MCM3AP: variants seen among roughly 807,000 people sequenced by gnomAD.
MCM3AP encodes the protein germinal-center associated nuclear protein.
Under a neutral mutation model 184.1 loss-of-function variants are expected in MCM3AP, and 126 were observed. The observed-to-expected ratio is 0.68, with a 90% CI of 0.59 to 0.79. The LOEUF is 0.79. MCM3AP is among the 30% of genes least tolerant of loss of function. The pLI, the probability that MCM3AP is intolerant of heterozygous loss-of-function variation, is 0.00. For synonymous variants in MCM3AP, 1,002 were observed against 979.3 expected, an observed-to-expected ratio of 1.02 and a Z score of -0.43; for missense variants, 2,496 against 2,479.2, an observed-to-expected ratio of 1.01 and a Z score of -0.14.
intron 20 of MCM3AP, chr21:46,249,559 A>C (rs1224642439): frequency 4.5e-6 from 2 of 447,580 alleles, no homozygotes; most frequent in Non-Finnish European, 8.9e-6. Flanking sequence ...GAATGAAATA[A>C]ATGCATTTTC....
intron 11 of MCM3AP, 71 bp downstream of exon 11, chr21:46,265,854 C>A: frequency 1.3e-6 from 2 of 1,491,998 alleles, no homozygotes; most frequent in African/African-American, 1.4e-5. Context: ...ATGCAGATGC[C>A]CAGGCTCCTG....
chr21:46,253,640 G>A (rs567341168), intron 19 of MCM3AP: 3 of 149,154 alleles, frequency 2.0e-5, no homozygotes, highest in East Asian at 2.0e-4. Context: ...CTTCGCTGTT[G>A]TCATGATAGT....
chr21:46,263,911 C>T (rs546765110), intron 13 of MCM3AP, among the ~76,000 whole-genome samples: 3 of 150,870 alleles, frequency 2.0e-5, no homozygotes, highest in African/African-American at 4.9e-5. Flanking sequence ...TCCTAAAATT[C>T]GCATGGTATC....
At chr21:46,237,393 GTGCT>G (rs953981417) in intron 26 of MCM3AP, among the ~76,000 whole-genome samples, 13 of 151,264 alleles carry the variant, frequency 8.6e-5, no homozygotes, top group Non-Finnish European at 1.8e-4. Flanking sequence ...GTGAGCCACT[GTGCT>G]TGGCCAATTT....
intron 18 of MCM3AP, 52 bp from the exon 19 acceptor site, chr21:46,254,578 A>C (rs1355912674): frequency 6.2e-7 from 1 of 1,603,550 alleles, no homozygotes; most frequent in East Asian, 2.2e-5. Context: ...CCCTTGCAGG[A>C]GCAGCACACA....
In MCM3AP at chr21:46,284,339, G is replaced by T; in HGVS notation, c.948C>A (p.Ser316=). 1.2e-6 allele frequency: 2 copies of T among 1,614,152 alleles called. No homozygotes were observed. The highest frequency in any genetic ancestry group is 1.7e-6 in the Non-Finnish European group (2 of 1,180,030). ...GTTTGTCTGGAGGATGATCGCCCCG[G>T]GACAGAGGATCCGAATCTTCTGCTG... ...HEPAEDSDPL[S]RGDHPPDKRP... The change falls in exon 1 of 28, where the codon TCC becomes TCA. Residue 316 remains serine, a synonymous_variant. Transcript: ENST00000291688.
intron 17 of MCM3AP, among the ~76,000 whole-genome samples, chr21:46,255,944 C>T (rs973049798): frequency 6.6e-6 from 1 of 152,182 alleles, no homozygotes; most frequent in African/African-American, 2.4e-5. Context: ...TCACAGCATG[C>T]CTCCAACAGG....
chr21:46,254,345 G>T, intron 19 of MCM3AP, 47 bp downstream of exon 19: 3 of 1,610,622 alleles, frequency 1.9e-6, no homozygotes, highest in Non-Finnish European at 2.5e-6. Context: ...ACCCTGCCCT[G>T]CCCACTCCAC....
At chr21:46,272,998 T>G (rs2081201232) in intron 7 of MCM3AP, among the ~76,000 whole-genome samples, 169 bp from the exon 8 acceptor site, 1 of 125,694 alleles carries the variant, frequency 8.0e-6, no homozygotes, top group Non-Finnish European at 1.7e-5. Context: ...CTGGGGTTTG[T>G]TTTTTTTTTT....
Position 46,240,956 on chromosome 21 carries a change from G to A in MCM3AP, c.5488C>T (p.His1830Tyr). Reference protein sequence around the residue: ...NNFPIPLLHMHRNWKRSTECA... With the variant: ...NNFPIPLLHMYRNWKRSTECA... ...TCTGTGCTCCTCTTCCAGTTACGGT[G>A]CATGTGAAGCAATGGTATGGGAAAA... The change falls in exon 26 of 28, where the codon CAC becomes TAC. Residue 1830 changes from histidine to tyrosine, a missense_variant. This residue lies in a region of MCM3AP where 1,323 missense variants were observed against 1,273.4 expected (regional missense o/e 1.04). Transcript: ENST00000291688. The A allele has an allele frequency of 6.2e-7, 1 of 1,614,186 alleles. No individual in the cohort carries two copies. Among genetic ancestry groups the A allele is most frequent in the South Asian group, 1.1e-5 (1 of 91,088 alleles).
intron 24 of MCM3AP, 49 bp downstream of exon 24, chr21:46,243,416 C>A (rs2080707017): frequency 1.3e-6 from 2 of 1,536,236 alleles, no homozygotes; most frequent in Non-Finnish European, 1.7e-6. Context: ...GAAACTGGAC[C>A]AGGAAAGTCT....
chr21:46,279,412 T>C (rs1209124317), intron 4 of MCM3AP, among the ~76,000 whole-genome samples: 1 of 152,242 alleles, frequency 6.6e-6, no homozygotes, highest in East Asian at 1.9e-4. Flanking sequence ...ACGAGTTAGA[T>C]GAGCAAGGAG....
At chr21:46,263,156 C>G (rs2081063398) in intron 13 of MCM3AP, among the ~76,000 whole-genome samples, 1 of 151,480 alleles carries the variant, frequency 6.6e-6, no homozygotes. Flanking sequence ...TGGTGAAACC[C>G]TGTCTCTACT....
chr21:46,270,938 A>G (rs2081171170), intron 8 of MCM3AP, among the ~76,000 whole-genome samples: 1 of 152,254 alleles, frequency 6.6e-6, no homozygotes, highest in Admixed American at 6.5e-5. Flanking sequence ...ACAATAATGA[A>G]TAGAATAAAC....
Position 46,246,758 on chromosome 21 carries a change from G to A in MCM3AP, c.4419C>T (p.Asp1473=), listed in dbSNP as rs538967375. 67 of 1,614,186 alleles carry A rather than the reference G, an allele frequency of 4.2e-5. No homozygotes were observed. The highest frequency in any genetic ancestry group is 1.9e-4 in the South Asian group (17 of 91,078). ...GCAGCAAGGCCGACAGCCAGTACAC[G>A]TCCTCCTCTGCCATGTCCTCACTCT... ...KMKSEDMAEE[D]VYWLSALLQL... The change falls in exon 21 of 28, where the codon GAC becomes GAT. Residue 1473 remains aspartate (D), a synonymous_variant. Coordinates refer to ENST00000291688, the MANE Select transcript of MCM3AP (RefSeq NM_003906.5).
At chr21:46,268,242 A>G (rs1197277711) in intron 9 of MCM3AP, among the ~76,000 whole-genome samples, 1 of 152,178 alleles carries the variant, frequency 6.6e-6, no homozygotes, top group Non-Finnish European at 1.5e-5. Flanking sequence ...GACAAAGGAA[A>G]AACATGAAAA....
chr21:46,245,015 C>T lies in MCM3AP; in HGVS notation c.4830G>A (p.Glu1610=). 1 of 1,614,200 alleles carries T rather than the reference C, an allele frequency of 6.2e-7. No homozygotes were observed. Among genetic ancestry groups the T allele is most frequent in the South Asian group, 1.1e-5 (1 of 91,086 alleles). ...GGAACTGCAGCACACTGTTAAACAG[C>T]TCAATGATGGCGCCAGGCTCCTGAG... ...LASQEPGAII[E]LFNSVLQFLA... is the part of the protein sequence containing the mutation. The change falls in exon 23 of 28, where the codon GAG becomes GAA. Residue 1610 remains glutamate, a synonymous_variant. Coordinates refer to ENST00000291688, the MANE Select transcript of MCM3AP (RefSeq NM_003906.5).
At chr21:46,281,783 T>C (rs1473372961) in intron 2 of MCM3AP, among the ~76,000 whole-genome samples, 2 of 152,008 alleles carry the variant, frequency 1.3e-5, no homozygotes, top group South Asian at 4.2e-4. Flanking sequence ...CGTGGAACAC[T>C]GAGGTCAGGA....
intron 2 of MCM3AP, among the ~76,000 whole-genome samples, chr21:46,283,014 C>G (rs2081352731): frequency 6.6e-6 from 1 of 151,714 alleles, no homozygotes. Flanking sequence ...CAACCGCCGC[C>G]TCCCGGATTC....
Sources: allele counts gnomAD v4.1 joint callset (sites outside exome capture counted in the v4.1 genomes callset), GRCh38; gene constraint gnomAD v4.1.1; regional missense constraint gnomAD v4.1.1; transcripts MANE v1.5; gene names NCBI Gene and HGNC (gene_info 2026-07-23, HGNC 2026-07-21).